GPR161: variants seen among roughly 807,000 people sequenced by gnomAD.
GPR161 encodes the protein G-protein coupled receptor RE2.
Under a neutral mutation model 39.2 loss-of-function variants are expected in GPR161, and 25 were observed. That is an observed-to-expected ratio of 0.64 (90% CI 0.47 to 0.89). GPR161 has a LOEUF of 0.89. GPR161 is among the 40% of genes least tolerant of loss of function. The pLI, the probability that GPR161 is intolerant of heterozygous loss-of-function variation, is 0.00. For missense variants in GPR161, 547 were observed against 677.8 expected (o/e 0.81, Z 2.14); for synonymous variants, 286 against 276.6 (o/e 1.03, Z -0.34).
intron 4 of GPR161, chr1:168,088,019 G>T (rs1694712965): frequency 3.7e-6 from 1 of 267,880 alleles, no homozygotes; most frequent in East Asian, 9.0e-5. Context: ...AAGGGAAGTG[G>T]GGAGAAGGGC....
intron 3 of GPR161, among the ~76,000 whole-genome samples, chr1:168,094,984 G>T (rs1695391047): frequency 6.6e-6 from 1 of 152,198 alleles, no homozygotes. Context: ...GGAGAAAGCT[G>T]ACAGGCACCA....
rs1427397831 is a variant in GPR161, at chr1:168,098,481, A to G, written c.375-1249T>C. 6.6e-6 allele frequency among the ~76,000 whole-genome samples: 1 copy of G among 152,196 alleles called. No homozygotes were observed. The highest frequency in any genetic ancestry group is 2.4e-5 in the African/African-American group (1 of 41,458). ...ACATGTGTAAGGGACGGGTGGCCAC[A>G]CTGATGCCGCCTGGCAGGACGTTGG... On this transcript the variant is annotated intron_variant, in intron 2 of 5. Transcript: ENST00000682931. The surrounding 1 kb of genome is among the most constrained non-coding windows in gnomAD (Gnocchi z 4.1).
At chr1:168,110,793 G>A (rs775797165) in intron 1 of GPR161, among the ~76,000 whole-genome samples, 2 of 151,606 alleles carry the variant, frequency 1.3e-5, no homozygotes, top group African/African-American at 2.4e-5. Context: ...GTGTGGTGGC[G>A]GGCACCTGTA....
chr1:168,135,802 T>G (rs1452047966), intron 1 of GPR161, among the ~76,000 whole-genome samples: 2 of 152,220 alleles, frequency 1.3e-5, no homozygotes, highest in Non-Finnish European at 2.9e-5. Context: ...GAACTGAGGT[T>G]CTTTCCCTCC....
At chr1:168,101,498 G>T (rs559182187) in intron 2 of GPR161, among the ~76,000 whole-genome samples, 31 of 152,298 alleles carry the variant, frequency 2.0e-4, no homozygotes, top group African/African-American at 7.5e-4. Context: ...ACGCTAGCTG[G>T]CTGCTGGAAT....
rs575880733 is a variant in GPR161, at chr1:168,091,490, A to G, written c.1100-822T>C. 1.1e-4 allele frequency among the ~76,000 whole-genome samples: 17 copies of G among 152,328 alleles called. No individual in the cohort carries two copies. The South Asian group carries it at 3.5e-3, about 32-fold the overall frequency. On this transcript the variant is annotated intron_variant, in intron 3 of 5. Coordinates refer to ENST00000682931, the MANE Select transcript of GPR161 (RefSeq NM_001375883.1). Reference sequence around the variant, plus strand: ...GAAAGACTCACAGGCACTGAGAGTCAGGTGCCTGTGAAATGGCCCTGCCAG... The same window carrying G: ...GAAAGACTCACAGGCACTGAGAGTCGGGTGCCTGTGAAATGGCCCTGCCAG...
chr1:168,125,896 G>A (rs549436936), intron 1 of GPR161, among the ~76,000 whole-genome samples: 9 of 152,242 alleles, frequency 5.9e-5, no homozygotes, highest in South Asian at 2.1e-4. Context: ...GATTACAGGC[G>A]TGAGCCACCG....
intron 1 of GPR161, among the ~76,000 whole-genome samples, chr1:168,116,167 C>T (rs1053798507): frequency 2.0e-5 from 3 of 152,180 alleles, no homozygotes; most frequent in Admixed American, 6.5e-5. Flanking sequence ...TCCACAGGCT[C>T]CTTTAGAGCA....
At chr1:168,131,614 A>G (rs1044170863) in intron 1 of GPR161, among the ~76,000 whole-genome samples, 7 of 152,194 alleles carry the variant, frequency 4.6e-5, no homozygotes, top group African/African-American at 1.7e-4. Context: ...AAAAGCAAAG[A>G]AAGAATGGAG....
intron 2 of GPR161, among the ~76,000 whole-genome samples, chr1:168,101,016 G>A (rs966314266): frequency 1.3e-5 from 2 of 151,936 alleles, no homozygotes; most frequent in Admixed American, 6.5e-5. Context: ...TGTGAATTTC[G>A]CTCCAGGCAG....
chr1:168,104,917 G>C (rs535765875), intron 1 of GPR161, 23 bp from the exon 2 acceptor site: 142 of 1,572,594 alleles, frequency 9.0e-5, no homozygotes, highest in Non-Finnish European at 1.2e-4. Context: ...GGCAGGACCA[G>C]GGGACAGGAA....
chr1:168,127,206 C>G (rs775287063), intron 1 of GPR161, among the ~76,000 whole-genome samples: 1 of 152,124 alleles, frequency 6.6e-6, no homozygotes, highest in Non-Finnish European at 1.5e-5. Flanking sequence ...TCAAGCTGGC[C>G]GGGCACAGTG....
chr1:168,119,227 C>CATATATATAT (rs1558129624), intron 1 of GPR161, among the ~76,000 whole-genome samples: 6 of 97,852 alleles, frequency 6.1e-5, no homozygotes, highest in African/African-American at 3.3e-4. Context: ...TATATATATA[C>CATATATATAT]GTATATATAT....
At chr1:168,126,635 G>C (rs58365665) in intron 1 of GPR161, among the ~76,000 whole-genome samples, 11,275 of 152,030 alleles carry the variant, frequency 0.074, 516 homozygotes, top group East Asian at 0.19. Flanking sequence ...TACTGTTTTT[G>C]TAAAGAGGGG....
Position 168,079,612 on chromosome 1 carries a change from T to C in GPR161, c.*5919A>G, listed in dbSNP as rs751140796. 6.6e-6 allele frequency: 1 copy of C among 152,236 alleles called. No individual in the cohort carries two copies. Among genetic ancestry groups the C allele is most frequent in the Non-Finnish European group, 1.5e-5 (1 of 68,048 alleles). 9.4% of individuals were successfully genotyped at this position (152,236 alleles called of 1,614,324 possible). ...ATACATTGTTGCTTATTTATAAATATTGATTTATAATAATCCTAAACTTTT... is the reference window on the plus strand; with the variant it reads ...ATACATTGTTGCTTATTTATAAATACTGATTTATAATAATCCTAAACTTTT... On this transcript the variant is annotated 3_prime_UTR_variant, in exon 6 of 6. Transcript: ENST00000682931.
intron 3 of GPR161, among the ~76,000 whole-genome samples, chr1:168,092,112 T>C (rs1695121942): frequency 6.6e-6 from 1 of 152,198 alleles, no homozygotes; most frequent in Admixed American, 6.5e-5. Context: ...ATCCTGCTTT[T>C]GCAAGGGGAC....
chr1:168,108,738 G>A (rs1277551709), intron 1 of GPR161, among the ~76,000 whole-genome samples: 1 of 151,908 alleles, frequency 6.6e-6, no homozygotes, highest in African/African-American at 2.4e-5. Context: ...AAACTTGACT[G>A]TAGACAGAAA....
At chr1:168,096,291 T>G (rs1000963179) in intron 3 of GPR161, among the ~76,000 whole-genome samples, 1 of 152,194 alleles carries the variant, frequency 6.6e-6, no homozygotes, top group African/African-American at 2.4e-5. Context: ...CAGGGAGCTC[T>G]GCTGGCCTTG....
chr1:168,115,793 T>G (rs965170475), intron 1 of GPR161, among the ~76,000 whole-genome samples: 3 of 151,766 alleles, frequency 2.0e-5, no homozygotes, highest in Admixed American at 1.3e-4. Flanking sequence ...TTTTTTTTTT[T>G]GAGACGGAGT....
Sources: gnomAD v4.1 joint callset for allele counts (sites outside exome capture counted in the v4.1 genomes callset) on GRCh38, gnomAD v4.1.1 for gene constraint, Gnocchi (gnomAD v3.1) non-coding constraint, MANE v1.5 for transcripts, NCBI Gene and HGNC (gene_info 2026-07-23, HGNC 2026-07-21) for gene names.